The following GRIN2A variants were observed in gnomAD, a reference collection of about 807,000 sequenced individuals.
The protein encoded by GRIN2A is glutamate receptor ionotropic, NMDA 2A.
A neutral mutation model predicts 113.4 loss-of-function variants in GRIN2A; 22 were observed. The ratio of observed to expected loss-of-function variants is 0.19; its 90% confidence interval spans 0.14 to 0.28. GRIN2A has a LOEUF of 0.28. GRIN2A is among the 10% of genes least tolerant of loss of function. The pLI is 1.00. For missense variants in GRIN2A, 1,502 were observed against 1,887.0 expected, an observed-to-expected ratio of 0.80 and a Z score of 3.78; for synonymous variants, 827 against 738.4, an observed-to-expected ratio of 1.12 and a Z score of -1.94.
chr16:9,778,852 C>A (rs1270432015), intron 11 of GRIN2A, among the ~76,000 whole-genome samples: 10 of 152,202 alleles, frequency 6.6e-5, no homozygotes. Flanking sequence ...GAAGCCCAAC[C>A]TTGTAGTCTC....
At chr16:9,922,425 T>C (rs1214759992) in intron 3 of GRIN2A, among the ~76,000 whole-genome samples, 2 of 152,218 alleles carry the variant, frequency 1.3e-5, no homozygotes, top group Non-Finnish European at 2.9e-5. Flanking sequence ...TTGGGTCCTA[T>C]TTCCACTACC....
intron 8 of GRIN2A, among the ~76,000 whole-genome samples, chr16:9,830,200 G>A (rs2042464810): frequency 2.0e-5 from 3 of 152,168 alleles, no homozygotes; most frequent in Admixed American, 2.0e-4. Flanking sequence ...TCCAAATGGA[G>A]ACATTAAGGA....
intron 9 of GRIN2A, among the ~76,000 whole-genome samples, chr16:9,823,743 CTATT>C (rs1337908659): frequency 7.2e-5 from 11 of 152,296 alleles, no homozygotes; most frequent in African/African-American, 2.4e-4. Flanking sequence ...GCTATGTGAT[CTATT>C]TAAGATTATG....
At chr16:10,110,639 G>A (rs2048594905) in intron 2 of GRIN2A, among the ~76,000 whole-genome samples, 1 of 152,226 alleles carries the variant, frequency 6.6e-6, no homozygotes. Context: ...CTGACAGACT[G>A]CAAGTATGAG....
intron 3 of GRIN2A, among the ~76,000 whole-genome samples, chr16:9,904,410 C>A (rs184036784): frequency 6.6e-6 from 1 of 152,066 alleles, no homozygotes; most frequent in Non-Finnish European, 1.5e-5. Flanking sequence ...CTTGCTCTGT[C>A]ACCCAGCCTG....
chr16:9,873,250 T>C (rs1332271884), intron 4 of GRIN2A, among the ~76,000 whole-genome samples: 1 of 152,168 alleles, frequency 6.6e-6, no homozygotes, highest in Non-Finnish European at 1.5e-5. Flanking sequence ...ATACAATGTA[T>C]GTTATTTGTG....
chr16:9,928,465 T>C (rs1256442231), intron 3 of GRIN2A, among the ~76,000 whole-genome samples: 1 of 152,176 alleles, frequency 6.6e-6, no homozygotes, highest in African/African-American at 2.4e-5. Flanking sequence ...AACTTTGTCT[T>C]TTTGTACAAT....
rs376681761 is a variant in GRIN2A, at chr16:10,084,281, G to C, written c.414+95717C>G. Among the ~76,000 whole-genome samples the C allele has an allele frequency of 5.1e-4, 78 of 152,322 alleles. No homozygotes were observed. The South Asian group carries it at 8.9e-3, about 17-fold the overall frequency. On this transcript the variant is annotated intron_variant, in intron 2 of 12. Transcript: ENST00000330684. ...GCCCCTTGAATACAAAACAGGCATA[G>C]TCTCTGCCCTTTTTCCCACTCAGCA... is the stretch of plus-strand genomic sequence containing the variant.
chr16:9,894,529 A>C (rs1253110922), intron 3 of GRIN2A, among the ~76,000 whole-genome samples: 1 of 152,148 alleles, frequency 6.6e-6, no homozygotes, highest in East Asian at 1.9e-4. Flanking sequence ...CATGGTCCAG[A>C]TACACACAGC....
At chr16:9,896,610 G>C (rs571014939) in intron 3 of GRIN2A, among the ~76,000 whole-genome samples, 1 of 152,110 alleles carries the variant, frequency 6.6e-6, no homozygotes, top group African/African-American at 2.4e-5. Context: ...CAATATTCTG[G>C]GTGAATGACT....
At chr16:10,174,528 G>A (rs1030983660) in intron 2 of GRIN2A, among the ~76,000 whole-genome samples, 2 of 152,348 alleles carry the variant, frequency 1.3e-5, no homozygotes, top group South Asian at 4.1e-4. Flanking sequence ...AGCAATCAGA[G>A]AAGAACTTTA....
chr16:9,788,459 T>C (rs1053983413), intron 11 of GRIN2A, among the ~76,000 whole-genome samples: 1 of 151,978 alleles, frequency 6.6e-6, no homozygotes, highest in African/African-American at 2.4e-5. Context: ...GGTTTTGCCA[T>C]GTTGGCCAGG....
intron 3 of GRIN2A, among the ~76,000 whole-genome samples, chr16:9,906,960 A>G (rs1423787363): frequency 6.6e-6 from 1 of 152,134 alleles, no homozygotes; most frequent in Admixed American, 6.5e-5. Context: ...CTCCTACCTC[A>G]GCCTCCTTAG....
chr16:9,829,377 A>C lies in GRIN2A; in HGVS notation c.2007+46T>G, dbSNP rs200173578. ...AATCTCTTCCTCCTGAAAGGAGAGC[A>C]GTTAAGACCAACCCTCAGATGGAGA... On this transcript the variant is annotated intron_variant, in intron 9 of 12. Transcript: ENST00000330684. The C allele has an allele frequency of 4.1e-5, 49 of 1,200,074 alleles. No homozygotes were observed. The African/African-American group carries it at 4.3e-4, about 11-fold the overall frequency. 74.3% of individuals were successfully genotyped at this position (1,200,074 alleles called of 1,614,324 possible). A position where few individuals can be genotyped will look rare whatever the true frequency, so the allele number is the denominator to read the frequency against.
chr16:10,174,635 A>C (rs2050108216), intron 2 of GRIN2A, among the ~76,000 whole-genome samples: 1 of 152,172 alleles, frequency 6.6e-6, no homozygotes, highest in African/African-American at 2.4e-5. Context: ...AAAAACAGGG[A>C]GGTGTAAAGA....
rs762139553 is a variant in GRIN2A, at chr16:10,179,953, T to A, written c.414+45A>T. 4 of 1,372,882 alleles carry A rather than the reference T, an allele frequency of 2.9e-6. No homozygotes were observed. The African/African-American group carries it at 6.0e-5, about 21-fold the overall frequency. The allele number at this position is 1,372,882 out of a possible 1,614,324, so 85.0% of individuals were successfully genotyped here. A position where few individuals can be genotyped will look rare whatever the true frequency, so the allele number is the denominator to read the frequency against. On this transcript the variant is annotated intron_variant, in intron 2 of 12. Transcript: ENST00000330684. Reference sequence around the variant, plus strand: ...AGACCTGCAGCAGCTGCCATGCAGCTGGTGGCTTCCCAGGTCCTGGCAGGG... The same window carrying A: ...AGACCTGCAGCAGCTGCCATGCAGCAGGTGGCTTCCCAGGTCCTGGCAGGG...
rs144389344 is a variant in GRIN2A, at chr16:10,130,322, G to A, written c.414+49676C>T. Among the ~76,000 whole-genome samples, 10 of 152,296 alleles carry A rather than the reference G, an allele frequency of 6.6e-5. No individual in the cohort carries two copies. In the East Asian group the frequency reaches 1.4e-3, roughly 21 times the overall value. On this transcript the variant is annotated intron_variant, in intron 2 of 12. Coordinates refer to ENST00000330684, the MANE Select transcript of GRIN2A (RefSeq NM_001134407.3). Reference sequence around the variant, plus strand: ...TCCAGGCAAATTCAGGGCATACCACGTGGCTGATCTATTTTCAGCATCCAC... The same window carrying A: ...TCCAGGCAAATTCAGGGCATACCACATGGCTGATCTATTTTCAGCATCCAC...
chr16:9,813,695 C>G (rs941360659), intron 10 of GRIN2A, among the ~76,000 whole-genome samples: 2 of 149,424 alleles, frequency 1.3e-5, no homozygotes, highest in Non-Finnish European at 1.5e-5. Context: ...ACCCCACCCC[C>G]CCGCAAAAAA....
intron 2 of GRIN2A, among the ~76,000 whole-genome samples, chr16:10,040,360 T>G (rs535623785): frequency 6.8e-6 from 1 of 147,916 alleles, no homozygotes; most frequent in Non-Finnish European, 1.5e-5. Context: ...GGACTCACAA[T>G]GTACAAACAC....
Sources: allele counts gnomAD v4.1 joint callset (sites outside exome capture counted in the v4.1 genomes callset), GRCh38; gene constraint gnomAD v4.1.1; transcripts MANE v1.5; gene names NCBI Gene and HGNC (gene_info 2026-07-23, HGNC 2026-07-21).